DOCK2: variants seen among roughly 807,000 people sequenced by gnomAD.
DOCK2 encodes the protein dedicator of cytokinesis protein 2.
In DOCK2, 87 loss-of-function variants were observed where a neutral mutation model predicts 248.9. That is an observed-to-expected ratio of 0.35 (90% confidence interval 0.29 to 0.42). The LOEUF (loss-of-function observed/expected upper bound fraction) is 0.42, where lower values mean the gene tolerates loss of function less well. Ranked by LOEUF, DOCK2 falls within the 10% of genes least tolerant of loss-of-function variation. DOCK2 has a pLI of 1.00. For missense variants in DOCK2, 1,747 were observed against 2,300.2 expected (o/e 0.76, Z 4.92); for synonymous variants, 805 against 821.6 (o/e 0.98, Z 0.35).
intron 1 of DOCK2, among the ~76,000 whole-genome samples, chr5:169,653,352 G>A (rs550487618): frequency 1.3e-5 from 2 of 152,262 alleles, no homozygotes; most frequent in South Asian, 4.2e-4. Context: ...GGTAAGAGTG[G>A]CACAATAATG....
intron 33 of DOCK2, among the ~76,000 whole-genome samples, chr5:170,027,096 C>T (rs1755946037): frequency 1.3e-5 from 2 of 151,944 alleles, no homozygotes; most frequent in Admixed American, 6.6e-5. Context: ...CAGACAGACT[C>T]GTTCATTGTG....
chr5:169,765,070 G>A (rs676259), intron 25 of DOCK2, among the ~76,000 whole-genome samples: 20,887 of 146,576 alleles, frequency 0.14, 2,253 homozygotes, highest in African/African-American at 0.3. Flanking sequence ...CTCTTTTAGC[G>A]CACACACACA....
At chr5:169,740,191 C>T (rs1763239685) in intron 22 of DOCK2, among the ~76,000 whole-genome samples, 1 of 152,188 alleles carries the variant, frequency 6.6e-6, no homozygotes. Flanking sequence ...TTATTACCTA[C>T]TTACTATTAA....
chr5:169,883,297 G>T lies in DOCK2; in HGVS notation c.2799+42445G>T, dbSNP rs1772775835. ...ATAAATATCATCTGGAACCTGAATG[G>T]CAGCTGTGGCTTTCTCTAAGGACCT... On this transcript the variant is annotated intron_variant, in intron 27 of 51. Coordinates refer to ENST00000520908, the MANE Select transcript of DOCK2 (RefSeq NM_004946.3). 1 of 1,551,602 alleles carries T rather than the reference G, an allele frequency of 6.4e-7. No homozygotes were observed. Among genetic ancestry groups the T allele is most frequent in the African/African-American group, 1.4e-5 (1 of 73,160 alleles).
In DOCK2 at chr5:169,868,615, A is replaced by G. The variant is rs892079517; in HGVS notation, c.2799+27763A>G. 2.6e-5 allele frequency among the ~76,000 whole-genome samples: 4 copies of G among 152,060 alleles called. No individual in the cohort carries two copies. The East Asian group carries it at 5.8e-4, about 22-fold the overall frequency. On this transcript the variant is annotated intron_variant, in intron 27 of 51. Coordinates refer to ENST00000520908, the MANE Select transcript of DOCK2 (RefSeq NM_004946.3). The stretch of plus-strand genomic sequence containing the variant: ...CTCTACAAAAAGTAAAAAATTAGCC[A>G]TGTGTGGTGGTGTGCAACTGTGATC...
At chr5:170,004,357 G>C (rs1754943463) in intron 30 of DOCK2, among the ~76,000 whole-genome samples, 1 of 152,178 alleles carries the variant, frequency 6.6e-6, no homozygotes, top group African/African-American at 2.4e-5. Context: ...ACTTTTTAAT[G>C]ATTGCCGTTC....
intron 2 of DOCK2, among the ~76,000 whole-genome samples, chr5:169,662,512 G>A (rs1461227602): frequency 1.3e-5 from 2 of 152,158 alleles, no homozygotes; most frequent in Non-Finnish European, 2.9e-5. Flanking sequence ...CTGCTGTAAA[G>A]AACTACCTGA....
At chr5:169,976,458 G>A (rs1323341428) in intron 27 of DOCK2, among the ~76,000 whole-genome samples, 2 of 152,120 alleles carry the variant, frequency 1.3e-5, no homozygotes, top group South Asian at 2.1e-4. Flanking sequence ...CTTGGTGGTC[G>A]CTATTGAGAT....
At chr5:169,812,646 A>G (rs1227388705) in intron 26 of DOCK2, among the ~76,000 whole-genome samples, 1 of 152,204 alleles carries the variant, frequency 6.6e-6, no homozygotes. Flanking sequence ...TACAGTAAAC[A>G]AGAACACCTG....
At chr5:169,714,310 G>A (rs756993070) in intron 18 of DOCK2, 50 bp from the exon 19 acceptor site, 4 of 1,613,186 alleles carry the variant, frequency 2.5e-6, no homozygotes, top group Non-Finnish European at 3.4e-6. Flanking sequence ...GTCCTGATAT[G>A]GACAGTTAGG....
chr5:169,649,429 T>C (rs1196960145), intron 1 of DOCK2, among the ~76,000 whole-genome samples: 2 of 152,214 alleles, frequency 1.3e-5, no homozygotes, highest in Non-Finnish European at 2.9e-5. Context: ...CTGCCCTTCA[T>C]GTTCATTCAC....
intron 19 of DOCK2, among the ~76,000 whole-genome samples, chr5:169,715,831 G>A (rs1420404508): frequency 1.3e-5 from 2 of 152,098 alleles, no homozygotes; most frequent in Non-Finnish European, 2.9e-5. Context: ...CATCATTGTA[G>A]ATGGGTTTTT....
intron 30 of DOCK2, among the ~76,000 whole-genome samples, chr5:170,007,037 A>G (rs1443778970): frequency 1.3e-5 from 2 of 152,208 alleles, no homozygotes; most frequent in Non-Finnish European, 2.9e-5. Context: ...GCCTATAGTA[A>G]AATTAGATTG....
chr5:169,892,652 G>A (rs761316950), intron 27 of DOCK2, among the ~76,000 whole-genome samples: 1 of 152,058 alleles, frequency 6.6e-6, no homozygotes, highest in Non-Finnish European at 1.5e-5. Flanking sequence ...AGACACCCAG[G>A]GAGATATGAC....
intron 27 of DOCK2, among the ~76,000 whole-genome samples, chr5:169,957,260 G>A (rs1425838003): frequency 6.6e-6 from 1 of 152,222 alleles, no homozygotes; most frequent in Non-Finnish European, 1.5e-5. Context: ...CTGGCCTTTA[G>A]CCAGGGACTT....
chr5:169,882,783 A>G, intron 27 of DOCK2: 1 of 1,551,560 alleles, frequency 6.4e-7, no homozygotes, highest in Non-Finnish European at 8.7e-7. Flanking sequence ...TTCCTGGACA[A>G]TTTGGAAACT....
chr5:169,682,408 T>C (rs1454549352), intron 7 of DOCK2, among the ~76,000 whole-genome samples: 1 of 152,228 alleles, frequency 6.6e-6, no homozygotes, highest in Non-Finnish European at 1.5e-5. Context: ...TTCTGACTAT[T>C]CAAGGAGTAG....
At chr5:169,892,407 C>T (rs1773350876) in intron 27 of DOCK2, among the ~76,000 whole-genome samples, 1 of 152,230 alleles carries the variant, frequency 6.6e-6, no homozygotes, top group Admixed American at 6.5e-5. Context: ...ACAAGTGACA[C>T]ATTGAGTTGA....
chr5:169,686,943 G>A (rs1264127133), intron 8 of DOCK2, among the ~76,000 whole-genome samples: 1 of 152,162 alleles, frequency 6.6e-6, no homozygotes, highest in Non-Finnish European at 1.5e-5. Context: ...CTCTGAGTAG[G>A]TTGTCATTTG....
Sources: gnomAD v4.1 joint callset for allele counts (sites outside exome capture counted in the v4.1 genomes callset) on GRCh38, gnomAD v4.1.1 for gene constraint, MANE v1.5 for transcripts, NCBI Gene and HGNC (gene_info 2026-07-23, HGNC 2026-07-21) for gene names.